C12orf42: variants seen among roughly 807,000 people sequenced by gnomAD.
The protein encoded by C12orf42 is uncharacterized protein C12orf42.
A neutral mutation model predicts 21.6 loss-of-function variants in C12orf42; 25 were observed. The ratio of observed to expected loss-of-function variants is 1.16; its 90% confidence interval spans 0.84 to 1.62. The LOEUF is 1.62. Among genes scored for constraint, C12orf42 ranks in the 40% most tolerant of loss-of-function variants. C12orf42 has a pLI of 0.00. For synonymous variants in C12orf42, 174 were observed against 175.0 expected (o/e 0.99, Z 0.05); for missense variants, 483 against 459.3 (o/e 1.05, Z -0.47).
the C12orf42 span, among the ~76,000 whole-genome samples, chr12:103,506,843 A>ATATATT: frequency 1.5e-4 from 12 of 81,988 alleles, no homozygotes; most frequent in African/African-American, 4.6e-4. Flanking sequence ...TATTATATAT[A>ATATATT]TATATATTTA....
At chr12:103,229,339 C>T in the C12orf42 span, among the ~76,000 whole-genome samples, 1 of 152,164 alleles carries the variant, frequency 6.6e-6, no homozygotes, top group Admixed American at 6.5e-5. Flanking sequence ...GTACAGGCTC[C>T]AGGCAGAGTA....
chr12:103,424,815 C>T (rs1949669651), intron 2 of C12orf42, among the ~76,000 whole-genome samples: 1 of 152,144 alleles, frequency 6.6e-6, no homozygotes, highest in African/African-American at 2.4e-5. Context: ...CCCAGTGGTG[C>T]CTGGAACACC....
chr12:103,314,734 G>C (rs992327767), intron 4 of C12orf42, among the ~76,000 whole-genome samples: 2 of 152,124 alleles, frequency 1.3e-5, no homozygotes, highest in Non-Finnish European at 2.9e-5. Context: ...TGTTCTAGCC[G>C]AGGGAAGGGA....
intron 10 of C12orf42, among the ~76,000 whole-genome samples, chr12:103,261,523 T>A (rs1419469045): frequency 2.0e-5 from 3 of 151,452 alleles, no homozygotes; most frequent in Non-Finnish European, 4.4e-5. Flanking sequence ...GCAAAAATAC[T>A]TCAGGGCAGG....
chr12:103,296,109 C>T (rs1020494207), intron 4 of C12orf42, among the ~76,000 whole-genome samples: 3 of 149,318 alleles, frequency 2.0e-5, no homozygotes, highest in Non-Finnish European at 3.0e-5. Flanking sequence ...CGAGAACAGG[C>T]GGTGTTTGGT....
intron 2 of C12orf42, among the ~76,000 whole-genome samples, chr12:103,461,914 T>C (rs553264308): frequency 5.3e-5 from 8 of 151,964 alleles, no homozygotes; most frequent in Non-Finnish European, 1.2e-4. Context: ...CAAAGTGCTA[T>C]GCAAATATAA....
At chr12:103,224,514 A>C in the C12orf42 span, among the ~76,000 whole-genome samples, 1 of 152,150 alleles carries the variant, frequency 6.6e-6, no homozygotes, top group Non-Finnish European at 1.5e-5. Flanking sequence ...TGGATCAGAG[A>C]GATACAGTCA....
the C12orf42 span, among the ~76,000 whole-genome samples, chr12:103,054,079 C>A: frequency 6.6e-6 from 1 of 151,670 alleles, no homozygotes; most frequent in Admixed American, 6.6e-5. Context: ...GTTTATTTGC[C>A]TTTCCATATA....
the C12orf42 span, among the ~76,000 whole-genome samples, chr12:103,067,652 C>G: frequency 6.6e-6 from 1 of 152,162 alleles, no homozygotes; most frequent in African/African-American, 2.4e-5. Flanking sequence ...GCTTCCTATT[C>G]CCTCAGCATT....
the C12orf42 span, among the ~76,000 whole-genome samples, chr12:103,541,107 T>C: frequency 6.6e-6 from 1 of 152,154 alleles, no homozygotes; most frequent in African/African-American, 2.4e-5. Context: ...TTTCACCATG[T>C]TGCCCAGGCT....
chr12:103,277,627 C>CTTTTTT (rs548608007), intron 4 of C12orf42, among the ~76,000 whole-genome samples: 2 of 144,750 alleles, frequency 1.4e-5, no homozygotes, highest in African/African-American at 2.5e-5. Flanking sequence ...TTTTCTTTTT[C>CTTTTTT]TTTTTTTTTT....
the C12orf42 span, among the ~76,000 whole-genome samples, chr12:103,149,367 T>C: frequency 6.6e-6 from 1 of 152,182 alleles, no homozygotes. Flanking sequence ...GTTTAGCAAG[T>C]AAAAATGCAG....
At chr12:103,115,526 T>C in the C12orf42 span, among the ~76,000 whole-genome samples, 1 of 152,242 alleles carries the variant, frequency 6.6e-6, no homozygotes, top group East Asian at 1.9e-4. Context: ...TAGTAATTTA[T>C]TTATCCATGG....
chr12:103,106,875 C>A, the C12orf42 span, among the ~76,000 whole-genome samples: 1 of 151,808 alleles, frequency 6.6e-6, no homozygotes, highest in East Asian at 1.9e-4. Context: ...TAAAATCTTG[C>A]TTAGACTGTT....
chr12:103,555,762 T>A, the C12orf42 span, among the ~76,000 whole-genome samples: 1 of 151,992 alleles, frequency 6.6e-6, no homozygotes, highest in African/African-American at 2.4e-5. Context: ...TTCAGAATTA[T>A]ACCTCCAGAG....
chr12:103,343,756 A>G (rs1171875744), intron 4 of C12orf42, among the ~76,000 whole-genome samples: 3 of 151,350 alleles, frequency 2.0e-5, no homozygotes, highest in Admixed American at 2.0e-4. Flanking sequence ...GTTGGGCAAC[A>G]AGAGTGAAAC....
chr12:103,294,619 AGAAAGAAAGAAAGAAAGAAG>A (rs2037114434), intron 4 of C12orf42, among the ~76,000 whole-genome samples: 2 of 146,076 alleles, frequency 1.4e-5, no homozygotes, highest in African/African-American at 5.4e-5. Flanking sequence ...AAAGAAAGAA[AGAAAGAAAGAAAGAAAGAAG>A]GAAAAGAAAG....
the C12orf42 span, among the ~76,000 whole-genome samples, chr12:103,191,610 C>T: frequency 2.1e-5 from 3 of 145,074 alleles, no homozygotes; most frequent in African/African-American, 5.1e-5. Context: ...GTATGGTGGC[C>T]CATGTTTGTG....
At chr12:103,076,440 G>A in the C12orf42 span, among the ~76,000 whole-genome samples, 1 of 152,108 alleles carries the variant, frequency 6.6e-6, no homozygotes, top group African/African-American at 2.4e-5. Context: ...AACCCATTGT[G>A]CACCTATAGG....
Sources: gnomAD v4.1 joint callset for allele counts (sites outside exome capture counted in the v4.1 genomes callset) on GRCh38, gnomAD v4.1.1 for gene constraint, MANE v1.5 for transcripts, NCBI Gene and HGNC (gene_info 2026-07-23, HGNC 2026-07-21) for gene names.